The following RAB8B variants were observed in gnomAD, a reference collection of about 807,000 sequenced individuals.
RAB8B encodes the protein RAB8B, member RAS oncogene family.
In RAB8B, 11 loss-of-function variants were observed where a neutral mutation model predicts 32.0. The observed-to-expected ratio is 0.34, with a 90% CI of 0.22 to 0.57. RAB8B has a LOEUF of 0.57. Among genes scored for constraint, RAB8B ranks in the 20% least tolerant of loss-of-function variants. The pLI is 0.86. For synonymous variants in RAB8B, 103 were observed against 89.6 expected (o/e 1.15, Z -0.85); for missense variants, 190 against 258.5 (o/e 0.73, Z 1.82).
chr15:63,246,622 C>T (rs923516050), intron 2 of RAB8B, among the ~76,000 whole-genome samples: 4 of 152,174 alleles, frequency 2.6e-5, no homozygotes, highest in Non-Finnish European at 5.9e-5. Flanking sequence ...AGCACCTCCA[C>T]GTGTCTCACT....
chr15:63,255,262 G>A (rs1346723527), intron 3 of RAB8B, among the ~76,000 whole-genome samples: 1 of 152,100 alleles, frequency 6.6e-6, no homozygotes, highest in African/African-American at 2.4e-5. Flanking sequence ...CCTTTACCAC[G>A]ATCACTAATT....
chr15:63,267,722 T>C lies in RAB8B; in HGVS notation c.*4103T>C, dbSNP rs2038259946. ...TAAATGGATTTTATTCCAGGTGAAC[T>C]TTTTTTTTATAATAATGTTCGTCTA... On this transcript the variant is annotated 3_prime_UTR_variant, in exon 8 of 8. Coordinates refer to ENST00000321437, the MANE Select transcript of RAB8B (RefSeq NM_016530.3). 6.6e-6 allele frequency: 1 copy of C among 151,718 alleles called. No individual in the cohort carries two copies. The highest frequency in any genetic ancestry group is 1.5e-5 in the Non-Finnish European group (1 of 67,872). The allele number at this position is 151,718 out of a possible 1,614,324, so 9.4% of individuals were successfully genotyped here.
In RAB8B at chr15:63,200,235, A is replaced by G. The variant is rs148299100; in HGVS notation, c.124+10487A>G. On this transcript the variant is annotated intron_variant, in intron 1 of 7. Coordinates refer to ENST00000321437, the MANE Select transcript of RAB8B (RefSeq NM_016530.3). The stretch of plus-strand genomic sequence containing the variant: ...AGGATTCTTTGCACTGGTAGACACT[A>G]GTGTTTTGATGACATGAAGACAGAA... Among the ~76,000 whole-genome samples the G allele has an allele frequency of 2.8e-3, 424 of 152,330 alleles. 2 individuals carry two copies. The highest frequency in any genetic ancestry group is 9.7e-3 in the African/African-American group (405 of 41,588).
chr15:63,236,661 A>G (rs1314912376), intron 1 of RAB8B, among the ~76,000 whole-genome samples: 1 of 152,208 alleles, frequency 6.6e-6, no homozygotes, highest in African/African-American at 2.4e-5. Flanking sequence ...TATGGGTTAC[A>G]TGAGATATTT....
chr15:63,256,474 G>A, intron 4 of RAB8B, 31 bp from the exon 5 acceptor site: 1 of 1,529,152 alleles, frequency 6.5e-7, no homozygotes, highest in Non-Finnish European at 8.9e-7. Flanking sequence ...TTCTCAGGCT[G>A]TTTTTATAGC....
chr15:63,244,542 C>T (rs773827689), intron 1 of RAB8B, among the ~76,000 whole-genome samples: 8 of 152,138 alleles, frequency 5.3e-5, no homozygotes, highest in Admixed American at 1.3e-4. Context: ...GCATATAATA[C>T]GTTGCATTTA....
chr15:63,260,153 C>T (rs368773162), intron 6 of RAB8B, among the ~76,000 whole-genome samples: 17 of 152,210 alleles, frequency 1.1e-4, no homozygotes, highest in East Asian at 1.9e-4. Flanking sequence ...TTTATGTAGA[C>T]GCTGGTTGTT....
intron 1 of RAB8B, among the ~76,000 whole-genome samples, chr15:63,232,491 T>C (rs1439004552): frequency 6.6e-6 from 1 of 152,236 alleles, no homozygotes; most frequent in Non-Finnish European, 1.5e-5. Context: ...ACAGCTGTCA[T>C]ATGAAGAATG....
At chr15:63,251,284 G>A (rs1056327235) in intron 3 of RAB8B, 1 of 456,038 alleles carries the variant, frequency 2.2e-6, no homozygotes, top group Non-Finnish European at 4.4e-6. Context: ...TTTCCCCCAG[G>A]AAGGAATTTT....
intron 1 of RAB8B, among the ~76,000 whole-genome samples, chr15:63,230,504 G>A (rs921666908): frequency 3.3e-5 from 5 of 152,074 alleles, no homozygotes; most frequent in East Asian, 3.8e-4. Flanking sequence ...GTTTCGCCAC[G>A]TTGGCCAAGC....
intron 1 of RAB8B, among the ~76,000 whole-genome samples, chr15:63,224,503 C>T (rs1158268594): frequency 6.6e-6 from 1 of 152,134 alleles, no homozygotes; most frequent in Non-Finnish European, 1.5e-5. Context: ...TGCCCCATCT[C>T]CTTAACATCT....
intron 1 of RAB8B, among the ~76,000 whole-genome samples, chr15:63,228,264 C>T (rs2037906010): frequency 6.6e-6 from 1 of 152,188 alleles, no homozygotes; most frequent in African/African-American, 2.4e-5. Flanking sequence ...GATCCTCCTG[C>T]CTTGGTCTCC....
rs2152586862 is a variant in RAB8B, at chr15:63,265,588, A to C, written c.*1969A>C. 1 of 152,708 alleles carries C rather than the reference A, an allele frequency of 6.5e-6. No individual in the cohort carries two copies. The highest frequency in any genetic ancestry group is 1.9e-4 in the East Asian group (1 of 5,190). 9.5% of individuals were successfully genotyped at this position (152,708 alleles called of 1,614,324 possible). On this transcript the variant is annotated 3_prime_UTR_variant, in exon 8 of 8. Transcript: ENST00000321437. This position sits in a 1 kb window ranked among gnomAD's most constrained non-coding sequence, Gnocchi z 4.9. ...GTTAACGCTTTCTGGATGGTAACAA[A>C]GTACCTTCTAAAAGATAAGTGCTAT...
chr15:63,233,089 A>G (rs2037949469), intron 1 of RAB8B, among the ~76,000 whole-genome samples: 1 of 138,094 alleles, frequency 7.2e-6, no homozygotes, highest in South Asian at 2.3e-4. Flanking sequence ...GAATAGTCTC[A>G]TGGCATGCCA....
At chr15:63,239,330 T>A (rs569228664) in intron 1 of RAB8B, among the ~76,000 whole-genome samples, 1 of 152,142 alleles carries the variant, frequency 6.6e-6, no homozygotes, top group Non-Finnish European at 1.5e-5. Context: ...CTAATTGTAA[T>A]GTGTCTTCAT....
At chr15:63,254,737 C>A (rs2038146114) in intron 3 of RAB8B, among the ~76,000 whole-genome samples, 1 of 151,916 alleles carries the variant, frequency 6.6e-6, no homozygotes, top group African/African-American at 2.4e-5. Context: ...ATGGTGAAAC[C>A]CTGTCTGTAC....
At chr15:63,250,710 C>T (rs149057506) in intron 3 of RAB8B, among the ~76,000 whole-genome samples, 4 of 151,324 alleles carry the variant, frequency 2.6e-5, no homozygotes, top group East Asian at 1.9e-4. Context: ...GCCCAGACCA[C>T]GGCTTTATCG....
chr15:63,233,021 C>A (rs1301891663), intron 1 of RAB8B, among the ~76,000 whole-genome samples: 1 of 150,888 alleles, frequency 6.6e-6, no homozygotes, highest in African/African-American at 2.4e-5. Flanking sequence ...AAGAACAATG[C>A]CTTGACCTCT....
chr15:63,223,480 ATACT>A (rs764286888), intron 1 of RAB8B, among the ~76,000 whole-genome samples: 5 of 152,296 alleles, frequency 3.3e-5, no homozygotes, highest in Non-Finnish European at 7.4e-5. Context: ...AAACACACAA[ATACT>A]TACCATTGTG....
Sources: gnomAD v4.1 joint callset for allele counts (sites outside exome capture counted in the v4.1 genomes callset) on GRCh38, gnomAD v4.1.1 for gene constraint, Gnocchi (gnomAD v3.1) non-coding constraint, MANE v1.5 for transcripts, NCBI Gene and HGNC (gene_info 2026-07-23, HGNC 2026-07-21) for gene names.